CHRNA1: variants seen among roughly 807,000 people sequenced by gnomAD.
CHRNA1 encodes the protein cholinergic receptor nicotinic alpha 1 subunit.
CHRNA1 carries 35 observed loss-of-function variants against 47.1 expected under a neutral mutation model. The observed-to-expected ratio is 0.74, with a 90% CI of 0.57 to 0.99. The LOEUF (loss-of-function observed/expected upper bound fraction) is 0.99, where lower values mean the gene tolerates loss of function less well. Ranked by LOEUF, CHRNA1 falls within the 50% of genes least tolerant of loss-of-function variation. The probability of loss-of-function intolerance (pLI) is 0.00; values close to 1 mark genes in which losing one functional copy is unlikely to be tolerated. For missense variants in CHRNA1, 506 were observed against 591.1 expected, an observed-to-expected ratio of 0.86 and a Z score of 1.49; for synonymous variants, 229 against 223.6, an observed-to-expected ratio of 1.02 and a Z score of -0.22.
chr2:174,758,382 C>A (rs1402918128), intron 3 of CHRNA1, among the ~76,000 whole-genome samples: 2 of 152,150 alleles, frequency 1.3e-5, no homozygotes, highest in Non-Finnish European at 2.9e-5. Flanking sequence ...GCACTCCAGC[C>A]TGGGCGACAG....
In CHRNA1 at chr2:174,750,137, G is replaced by GT. The variant is rs1173591222; in HGVS notation, c.810dup (p.Leu271ThrfsTer97). ...ACCAGAAGGAACACAGTCAAAGACA[G>GT]TAAGACAGAGATGCTCAGAGTCATC... is the stretch of plus-strand genomic sequence containing the variant. On this transcript the variant is annotated frameshift_variant, in exon 7 of 9. Transcript: ENST00000348749. LOFTEE classifies it high-confidence loss of function. The GT allele has an allele frequency of 6.2e-7, 1 of 1,610,500 alleles. No individual in the cohort carries two copies. Among genetic ancestry groups the GT allele is most frequent in the South Asian group, 1.1e-5 (1 of 90,964 alleles).
At chr2:174,755,209 T>G (rs1219153330) in intron 4 of CHRNA1, among the ~76,000 whole-genome samples, 2 of 151,932 alleles carry the variant, frequency 1.3e-5, no homozygotes, top group Admixed American at 1.3e-4. Context: ...TAAAGAACGA[T>G]TTAGAACTCA....
Position 174,747,814 on chromosome 2 carries a change from G to T in CHRNA1, c.*310C>A. ...ATATAAATATAACAGCAATGACAAT[G>T]CAACAGAAAACCTCGGTTATCCTGG... On this transcript the variant is annotated 3_prime_UTR_variant, in exon 9 of 9. Coordinates refer to ENST00000348749, the MANE Select transcript of CHRNA1 (RefSeq NM_000079.4). 2.8e-6 allele frequency: 1 copy of T among 360,040 alleles called. No homozygotes were observed. The highest frequency in any genetic ancestry group is 2.5e-5 in the South Asian group (1 of 40,698). The allele number at this position is 360,040 out of a possible 1,614,324, so 22.3% of individuals were successfully genotyped here.
chr2:174,753,456 C>G, intron 6 of CHRNA1, 47 bp downstream of exon 6: 5 of 1,536,596 alleles, frequency 3.3e-6, no homozygotes, highest in Non-Finnish European at 4.5e-6. Flanking sequence ...AATAGCAGCA[C>G]GAGACCCATC....
chr2:174,758,101 A>G, intron 3 of CHRNA1: 1 of 1,600,282 alleles, frequency 6.2e-7, no homozygotes, highest in African/African-American at 1.3e-5. Flanking sequence ...AAAGTACCAT[A>G]TATTTTTCTA....
chr2:174,758,097 C>A lies in CHRNA1; in HGVS notation c.235-422G>T, dbSNP rs114345657. 5,588 of 1,603,612 alleles carry A rather than the reference C, an allele frequency of 3.5e-3. 173 individuals are homozygous for A. The African/African-American group carries it at 0.066, about 19-fold the overall frequency. ...CAGGCAACATCATTTTTAAAAAGTA[C>A]CATATATTTTTCTACATTATAAAAG... On this transcript the variant is annotated intron_variant, in intron 3 of 8. Transcript: ENST00000348749.
At chr2:174,757,348 G>A (rs534792367) in intron 4 of CHRNA1, among the ~76,000 whole-genome samples, 8 of 151,708 alleles carry the variant, frequency 5.3e-5, no homozygotes, top group Non-Finnish European at 1.2e-4. Context: ...TAGAGATGTT[G>A]TCTTGCTATG....
intron 6 of CHRNA1, among the ~76,000 whole-genome samples, chr2:174,750,705 T>C (rs749090923): frequency 5.3e-5 from 8 of 152,100 alleles, no homozygotes; most frequent in Non-Finnish European, 1.0e-4. Context: ...GTAACCACCA[T>C]ACCTTAACTT....
intron 1 of CHRNA1, among the ~76,000 whole-genome samples, chr2:174,760,361 C>A (rs1033914066): frequency 1.3e-5 from 2 of 152,042 alleles, no homozygotes; most frequent in Non-Finnish European, 2.9e-5. Context: ...ATTATTCAGA[C>A]ATGAAAAAGG....
rs1376655390 is a variant in CHRNA1 at position 174,759,553 on chromosome 2, C to A, written c.124G>T (p.Val42Leu). The A allele has an allele frequency of 8.7e-6, 14 of 1,613,938 alleles. No individual in the cohort carries two copies. The highest frequency in any genetic ancestry group is 2.7e-5 in the African/African-American group (2 of 74,878). The stretch of plus-strand genomic sequence containing the variant: ...TCCACGACCTGGCGGTGGTCTTCCA[C>A]TGGCCGCACCACGCTGCTGTAGTCT... ...FKDYSSVVRP[V>L]EDHRQVVEVT... The change falls in exon 2 of 9, where the codon GTG becomes TTG. Residue 42 changes from valine to leucine, a missense_variant. Transcript: ENST00000348749.
At chr2:174,762,412 C>T (rs1158395199) in intron 1 of CHRNA1, among the ~76,000 whole-genome samples, 2 of 152,136 alleles carry the variant, frequency 1.3e-5, no homozygotes, top group Middle Eastern at 3.2e-3. Flanking sequence ...GTCAAATTCC[C>T]CTTTTTAGCA....
At chr2:174,760,928 T>TATCTACACCCCTTTTCA (rs1684089921) in intron 1 of CHRNA1, among the ~76,000 whole-genome samples, 2 of 148,172 alleles carry the variant, frequency 1.3e-5, no homozygotes, top group South Asian at 4.4e-4. Flanking sequence ...CCCCCTTTTC[T>TATCTACACCCCTTTTCA]ATCTACACCC....
chr2:174,755,097 C>A (rs982683179), intron 4 of CHRNA1, among the ~76,000 whole-genome samples: 2 of 152,142 alleles, frequency 1.3e-5, no homozygotes, highest in Non-Finnish European at 2.9e-5. Flanking sequence ...GTTGACCAGG[C>A]TGGCCCTGAA....
chr2:174,754,193 C>G, intron 5 of CHRNA1, 26 bp downstream of exon 5: 1 of 1,611,024 alleles, frequency 6.2e-7, no homozygotes, highest in Non-Finnish European at 8.5e-7. Flanking sequence ...CTGAAACCAC[C>G]CTTATCATAT....
intron 7 of CHRNA1, among the ~76,000 whole-genome samples, chr2:174,749,256 A>G (rs942504150): frequency 2.0e-5 from 3 of 152,238 alleles, no homozygotes; most frequent in African/African-American, 4.8e-5. Flanking sequence ...AAGAAACTGC[A>G]GTACAGGTAT....
At position 174,748,437 on chromosome 2, in the gene CHRNA1, G is replaced by C. The variant is rs2305413; in HGVS notation, c.1242+143C>G. 0.09 allele frequency: 122,836 copies of C among 1,366,036 alleles called. 7,423 individuals are homozygous for C. Among genetic ancestry groups the C allele is most frequent in the African/African-American group, 0.25 (17,113 of 68,698 alleles). The allele number at this position is 1,366,036 out of a possible 1,614,324, so 84.6% of individuals were successfully genotyped here. On this transcript the variant is annotated intron_variant, in intron 8 of 8. Coordinates refer to ENST00000348749, the MANE Select transcript of CHRNA1 (RefSeq NM_000079.4). Reference sequence around the variant, plus strand: ...TACAAAGTGATAACTTACTAAGGTGGTCTAGAGGCGGTCACCAGGGTTCAT... The same window carrying C: ...TACAAAGTGATAACTTACTAAGGTGCTCTAGAGGCGGTCACCAGGGTTCAT...
intron 1 of CHRNA1, among the ~76,000 whole-genome samples, chr2:174,762,304 T>A (rs1684115345): frequency 6.6e-6 from 1 of 152,176 alleles, no homozygotes. Context: ...GCCTGGAGAG[T>A]TGGATTAGTT....
At chr2:174,763,735 T>A (rs1684140004) in intron 1 of CHRNA1, among the ~76,000 whole-genome samples, 1 of 151,956 alleles carries the variant, frequency 6.6e-6, no homozygotes, top group Admixed American at 6.6e-5. Context: ...CAAACCTATA[T>A]ATAGTAACAT....
chr2:174,748,163 C>A lies in CHRNA1; in HGVS notation c.1335G>T (p.Val445=). ...MLVCIIGTLA[V]FAGRLIELNQ... Reference sequence around the variant, plus strand: ...TTAATTCAATGAGTCGACCTGCAAACACGGCTAGGGTTCCGATGATGCAAA... The same window carrying A: ...TTAATTCAATGAGTCGACCTGCAAAAACGGCTAGGGTTCCGATGATGCAAA... The change falls in exon 9 of 9, where the codon GTG becomes GTT. Residue 445 remains valine (V), a synonymous_variant. Coordinates refer to ENST00000348749, the MANE Select transcript of CHRNA1 (RefSeq NM_000079.4). 6.2e-7 allele frequency: 1 copy of A among 1,614,148 alleles called. No individual in the cohort carries two copies. The highest frequency in any genetic ancestry group is 8.5e-7 in the Non-Finnish European group (1 of 1,180,044).
Sources: gnomAD v4.1 joint callset for allele counts (sites outside exome capture counted in the v4.1 genomes callset) on GRCh38, gnomAD v4.1.1 for gene constraint, MANE v1.5 for transcripts, NCBI Gene and HGNC (gene_info 2026-07-23, HGNC 2026-07-21) for gene names.